DUSP22: variants seen among roughly 807,000 people sequenced by gnomAD.
DUSP22 encodes dual specificity protein phosphatase 22.
A neutral mutation model predicts 24.5 loss-of-function variants in DUSP22; 24 were observed. That is an observed-to-expected ratio of 0.98 (90% CI 0.71 to 1.38). The LOEUF (loss-of-function observed/expected upper bound fraction) is 1.38, where lower values mean the gene tolerates loss of function less well. Among genes scored for constraint, DUSP22 ranks in the 40% most tolerant of loss-of-function variants. The pLI is 0.00. For synonymous variants in DUSP22, 160 were observed against 106.4 expected (o/e 1.50, Z -3.10); for missense variants, 330 against 269.2 (o/e 1.23, Z -1.58).
intron 1 of DUSP22, among the ~76,000 whole-genome samples, chr6:297,040 T>C (rs980151466): frequency 3.4e-4 from 52 of 152,280 alleles, no homozygotes; most frequent in Non-Finnish European, 4.4e-4. Flanking sequence ...CTTGTTTCCA[T>C]GGGGAGCGCA....
At chr6:312,104 C>G (rs1439368460) in intron 3 of DUSP22, 142 bp downstream of exon 3, 2 of 950,466 alleles carry the variant, frequency 2.1e-6, no homozygotes, top group East Asian at 5.8e-5. Flanking sequence ...TGTGTTCAGG[C>G]CGTGTTGATG....
rs561486703 is a variant in DUSP22, at chr6:310,161, G to A, written c.56-1719G>A. 5.2e-5 allele frequency among the ~76,000 whole-genome samples: 8 copies of A among 152,410 alleles called. No homozygotes were observed. The East Asian group carries it at 5.8e-4, about 11-fold the overall frequency. On this transcript the variant is annotated intron_variant, in intron 2 of 6. Coordinates refer to ENST00000419235, the MANE Select transcript of DUSP22 (RefSeq NM_001286555.3). Reference sequence around the variant, plus strand: ...ATTTTAGTAGAGATGTGGTTTCGCCGTGGTGACCAGGCTGGTCTCACACTC... The same window carrying A: ...ATTTTAGTAGAGATGTGGTTTCGCCATGGTGACCAGGCTGGTCTCACACTC...
chr6:326,238 A>G, intron 3 of DUSP22: 1 of 219,202 alleles, frequency 4.6e-6, no homozygotes. Context: ...GCAATGCTGT[A>G]TCTGCTGGTG....
chr6:351,278 C>T lies in DUSP22; in HGVS notation c.*2327C>T, dbSNP rs1207449084. ...ATAGCCCTTGGTGTGGGTTTTATCT[C>T]TGGTTTGTGTTCTCCGTGGTGGAAT... On this transcript the variant is annotated 3_prime_UTR_variant, in exon 7 of 7. Transcript: ENST00000419235. The T allele has an allele frequency of 4.8e-6, 1 of 209,576 alleles. No individual in the cohort carries two copies. Among genetic ancestry groups the T allele is most frequent in the Admixed American group, 5.4e-5 (1 of 18,454 alleles). The allele number at this position is 209,576 out of a possible 1,614,324, so 13.0% of individuals were successfully genotyped here.
intron 4 of DUSP22, among the ~76,000 whole-genome samples, chr6:337,463 C>A (rs1347768674): frequency 6.6e-6 from 1 of 152,300 alleles, no homozygotes; most frequent in Non-Finnish European, 1.5e-5. Context: ...AGGAAGCCTG[C>A]TTCAGTTACT....
At chr6:328,508 G>A (rs541441500) in intron 3 of DUSP22, among the ~76,000 whole-genome samples, 103 of 152,392 alleles carry the variant, frequency 6.8e-4, no homozygotes, top group Non-Finnish European at 5.9e-5. Context: ...AGGTGTTGGA[G>A]GTTTCTCATT....
chr6:326,673 C>G (rs1433468567), intron 3 of DUSP22, among the ~76,000 whole-genome samples: 2 of 152,310 alleles, frequency 1.3e-5, no homozygotes, highest in East Asian at 3.8e-4. Context: ...ATCCTGTCTA[C>G]TACCATTTAT....
rs549323606 is a variant in DUSP22 at position 338,903 on chromosome 6, T to G, written c.188+3740T>G. ...CACTTGACATTCAGTTGCTGCAGAC[T>G]GCCCGGAAAGGTCAGTTTTCTGTCT... On this transcript the variant is annotated intron_variant, in intron 4 of 6. Transcript: ENST00000419235. Among the ~76,000 whole-genome samples, 11 of 152,418 alleles carry G rather than the reference T, an allele frequency of 7.2e-5. No homozygotes were observed. The South Asian group carries it at 1.9e-3, about 26-fold the overall frequency.
intron 1 of DUSP22, among the ~76,000 whole-genome samples, chr6:299,292 A>G (rs1242714937): frequency 2.0e-5 from 3 of 152,302 alleles, no homozygotes; most frequent in African/African-American, 7.2e-5. Flanking sequence ...TGTGGTTCCC[A>G]GGTCTCCTCT....
chr6:315,130 T>C (rs1342097014), intron 3 of DUSP22, among the ~76,000 whole-genome samples: 2 of 152,304 alleles, frequency 1.3e-5, no homozygotes, highest in African/African-American at 4.8e-5. Flanking sequence ...AAAAGGCCTA[T>C]GTCTCCAATT....
intron 4 of DUSP22, chr6:338,073 C>T (rs1759441810): frequency 6.6e-6 from 1 of 152,522 alleles, no homozygotes; most frequent in African/African-American, 2.4e-5. Context: ...GACCGTAGCT[C>T]ATGAAAAGGT....
intron 1 of DUSP22, among the ~76,000 whole-genome samples, chr6:296,408 GCC>G (rs1445464920): frequency 2.6e-5 from 4 of 152,304 alleles, no homozygotes; most frequent in African/African-American, 9.6e-5. Context: ...GAGTAGCAGA[GCC>G]TGGACTCAAA....
intron 3 of DUSP22, among the ~76,000 whole-genome samples, chr6:332,503 T>G (rs997352428): frequency 1.5e-3 from 227 of 152,366 alleles, no homozygotes; most frequent in Non-Finnish European, 2.2e-3. Context: ...GTCCTTTTGC[T>G]CATCGGGTGC....
At chr6:312,034 A>AAGGC in intron 3 of DUSP22, 72 bp downstream of exon 3, 2 of 977,366 alleles carry the variant, frequency 2.0e-6, no homozygotes, top group Non-Finnish European at 2.8e-6. Context: ...GACGTTAATG[A>AAGGC]AGGCAACCAG....
At position 351,010 on chromosome 6, in the gene DUSP22, G is replaced by C; in HGVS notation, c.*2059G>C. On this transcript the variant is annotated 3_prime_UTR_variant, in exon 7 of 7. Transcript: ENST00000419235. ...TGAAGCTGAATATATACGTAGTCAT[G>C]TTTATGTTGAGAACTAAGGATATTC... 8.2e-7 allele frequency: 1 copy of C among 1,216,744 alleles called. No individual in the cohort carries two copies. The highest frequency in any genetic ancestry group is 1.2e-6 in the Non-Finnish European group (1 of 844,212). The allele number at this position is 1,216,744 out of a possible 1,614,324, so 75.4% of individuals were successfully genotyped here.
At chr6:302,423 T>C (rs1757625420) in intron 1 of DUSP22, among the ~76,000 whole-genome samples, 1 of 152,308 alleles carries the variant, frequency 6.6e-6, no homozygotes, top group South Asian at 2.1e-4. Flanking sequence ...CAAGACCCTT[T>C]CTGCAGGCTG....
rs1028586516 is a variant in DUSP22, at chr6:350,279, C to T, written c.*1328C>T. The T allele has an allele frequency of 6.8e-5, 67 of 990,874 alleles. No individual in the cohort carries two copies. Among genetic ancestry groups the T allele is most frequent in the Non-Finnish European group, 7.6e-5 (63 of 833,780 alleles). 61.4% of individuals were successfully genotyped at this position (990,874 alleles called of 1,614,324 possible). ...TGGGTAAAATTCCACATTCAGGCCA[C>T]GAGAGCATCTACAGTTTGTACTCTG... On this transcript the variant is annotated 3_prime_UTR_variant, in exon 7 of 7. Coordinates refer to ENST00000419235, the MANE Select transcript of DUSP22 (RefSeq NM_001286555.3).
intron 3 of DUSP22, among the ~76,000 whole-genome samples, chr6:314,764 A>G (rs1438016600): frequency 6.6e-6 from 1 of 152,306 alleles, no homozygotes; most frequent in Admixed American, 6.5e-5. Context: ...TGAGACCCCC[A>G]TGGAACATGT....
At chr6:296,681 A>G (rs536769802) in intron 1 of DUSP22, among the ~76,000 whole-genome samples, 3 of 152,420 alleles carry the variant, frequency 2.0e-5, no homozygotes, top group South Asian at 4.1e-4. Flanking sequence ...ACAATACCCC[A>G]TTAAAAACAA....
Sources: gnomAD v4.1 joint callset for allele counts (sites outside exome capture counted in the v4.1 genomes callset) on GRCh38, gnomAD v4.1.1 for gene constraint, MANE v1.5 for transcripts, NCBI Gene and HGNC (gene_info 2026-07-23, HGNC 2026-07-21) for gene names.